TSPAN5: variants seen among roughly 807,000 people sequenced by gnomAD.
TSPAN5 encodes the protein tetraspanin 5.
Under a neutral mutation model 37.1 loss-of-function variants are expected in TSPAN5, and 10 were observed. The ratio of observed to expected loss-of-function variants is 0.27; its 90% confidence interval spans 0.17 to 0.46. TSPAN5 has a LOEUF of 0.46. TSPAN5 is among the 20% of genes least tolerant of loss of function. The pLI is 1.00. For missense variants in TSPAN5, 195 were observed against 326.6 expected, an observed-to-expected ratio of 0.60 and a Z score of 3.11; for synonymous variants, 110 against 118.9, an observed-to-expected ratio of 0.93 and a Z score of 0.48.
chr4:98,631,388 C>G (rs888481905), intron 1 of TSPAN5, among the ~76,000 whole-genome samples: 2 of 152,208 alleles, frequency 1.3e-5, no homozygotes, highest in African/African-American at 4.8e-5. Context: ...ATAGCCTTCA[C>G]TGCACATGTT....
intron 7 of TSPAN5, among the ~76,000 whole-genome samples, chr4:98,474,558 G>C (rs2110251784): frequency 6.6e-6 from 1 of 152,106 alleles, no homozygotes; most frequent in African/African-American, 2.4e-5. Flanking sequence ...ATGTTGCCCA[G>C]GCTGTTTTGA....
intron 2 of TSPAN5, among the ~76,000 whole-genome samples, chr4:98,498,693 C>A (rs991196667): frequency 6.6e-6 from 1 of 152,104 alleles, no homozygotes; most frequent in African/African-American, 2.4e-5. Context: ...TCACCCTAAA[C>A]CTTAGGAGGA....
chr4:98,478,638 C>G, intron 5 of TSPAN5, 47 bp downstream of exon 5: 1 of 1,612,134 alleles, frequency 6.2e-7, no homozygotes, highest in African/African-American at 1.3e-5. Context: ...TGCACACTCT[C>G]GGCATGATGT....
intron 1 of TSPAN5, among the ~76,000 whole-genome samples, chr4:98,653,381 T>C (rs558895018): frequency 6.6e-6 from 1 of 152,014 alleles, no homozygotes; most frequent in Admixed American, 6.6e-5. Context: ...CACAAGGTAA[T>C]ATCTGAAAGC....
At chr4:98,639,660 G>C (rs28713515) in intron 1 of TSPAN5, among the ~76,000 whole-genome samples, 75,985 of 151,864 alleles carry the variant, frequency 0.5, 19,088 homozygotes, top group Middle Eastern at 0.55. Context: ...ATATCACAGT[G>C]TAGGATTCCC....
chr4:98,528,993 C>T (rs1754021918), intron 1 of TSPAN5, among the ~76,000 whole-genome samples: 1 of 152,004 alleles, frequency 6.6e-6, no homozygotes, highest in Admixed American at 6.6e-5. Flanking sequence ...AGTGACTCAC[C>T]CAAGGTCACA....
chr4:98,536,346 A>C (rs1229563771), intron 1 of TSPAN5, among the ~76,000 whole-genome samples: 1 of 152,126 alleles, frequency 6.6e-6, no homozygotes, highest in Non-Finnish European at 1.5e-5. Flanking sequence ...AGCGGAAGCA[A>C]AGATTCCTGC....
intron 1 of TSPAN5, among the ~76,000 whole-genome samples, chr4:98,614,305 C>T (rs946057441): frequency 6.6e-6 from 1 of 152,242 alleles, no homozygotes; most frequent in African/African-American, 2.4e-5. Flanking sequence ...CAGGCTCCCC[C>T]TCTTCAATTC....
chr4:98,631,714 C>T (rs1756752778), intron 1 of TSPAN5, among the ~76,000 whole-genome samples: 1 of 152,046 alleles, frequency 6.6e-6, no homozygotes, highest in Non-Finnish European at 1.5e-5. Context: ...TCATAAAAAC[C>T]CCTTTTCCCC....
intron 1 of TSPAN5, among the ~76,000 whole-genome samples, chr4:98,511,636 G>A (rs1420809797): frequency 1.3e-5 from 2 of 152,156 alleles, no homozygotes; most frequent in African/African-American, 4.8e-5. Flanking sequence ...AGTGTAAAGT[G>A]CAGGCTGAAT....
intron 1 of TSPAN5, among the ~76,000 whole-genome samples, chr4:98,633,261 A>T (rs955049503): frequency 6.6e-6 from 1 of 152,194 alleles, no homozygotes; most frequent in Admixed American, 6.5e-5. Flanking sequence ...CTTGCAAGGT[A>T]ATGTTAAAAT....
At chr4:98,637,713 C>A (rs73832374) in intron 1 of TSPAN5, among the ~76,000 whole-genome samples, 2,222 of 152,204 alleles carry the variant, frequency 0.015, 41 homozygotes, top group African/African-American at 0.05. Flanking sequence ...GGTACAAAAA[C>A]AATTGTTCTG....
chr4:98,507,866 G>T, intron 1 of TSPAN5, 138 bp from the exon 2 acceptor site: 1 of 605,020 alleles, frequency 1.7e-6, no homozygotes, highest in Non-Finnish European at 2.8e-6. Flanking sequence ...ATCTTTACCA[G>T]GAAAATAAAT....
At chr4:98,528,478 T>C (rs1004906738) in intron 1 of TSPAN5, among the ~76,000 whole-genome samples, 5 of 151,740 alleles carry the variant, frequency 3.3e-5, no homozygotes, top group Non-Finnish European at 5.9e-5. Flanking sequence ...GTTCTATATT[T>C]AATCTGCTTT....
rs74582472 is a variant in TSPAN5, at chr4:98,613,824, G to A, written c.81+44322C>T. On this transcript the variant is annotated intron_variant, in intron 1 of 7. Coordinates refer to ENST00000305798, the MANE Select transcript of TSPAN5 (RefSeq NM_005723.4). ...TTGATGGATTTTAAAATGCATGGTC[G>A]CTGTTACTACTAAATACCAGTTTTT... 5.0e-3 allele frequency among the ~76,000 whole-genome samples: 764 copies of A among 152,092 alleles called. 12 individuals are homozygous for A. The highest frequency in any genetic ancestry group is 0.018 in the African/African-American group (734 of 41,496).
At chr4:98,633,045 A>T (rs1756782125) in intron 1 of TSPAN5, among the ~76,000 whole-genome samples, 1 of 152,194 alleles carries the variant, frequency 6.6e-6, no homozygotes, top group Non-Finnish European at 1.5e-5. Context: ...ATGGAGGCTC[A>T]GACCAGGGCA....
At chr4:98,621,431 G>T (rs891491627) in intron 1 of TSPAN5, among the ~76,000 whole-genome samples, 1 of 144,448 alleles carries the variant, frequency 6.9e-6, no homozygotes, top group Admixed American at 7.2e-5. Flanking sequence ...GCAGTGGCGC[G>T]ATCTCTGCTT....
chr4:98,487,294 G>C (rs932354713), intron 2 of TSPAN5, among the ~76,000 whole-genome samples: 1 of 149,880 alleles, frequency 6.7e-6, no homozygotes. Context: ...GACCCTGTAA[G>C]GAGAAGACGT....
At chr4:98,641,164 TA>T (rs1324038806) in intron 1 of TSPAN5, among the ~76,000 whole-genome samples, 1 of 152,202 alleles carries the variant, frequency 6.6e-6, no homozygotes, top group East Asian at 1.9e-4. Flanking sequence ...CCTCTTTTTA[TA>T]TAATCTCCTA....
Sources: allele counts gnomAD v4.1 joint callset (sites outside exome capture counted in the v4.1 genomes callset), GRCh38; gene constraint gnomAD v4.1.1; transcripts MANE v1.5; gene names NCBI Gene and HGNC (gene_info 2026-07-23, HGNC 2026-07-21).